MIA2: variants seen among roughly 807,000 people sequenced by gnomAD.
MIA2 encodes melanoma inhibitory activity protein 2.
Under a neutral mutation model 167.8 loss-of-function variants are expected in MIA2, and 127 were observed. The observed-to-expected ratio is 0.76, with a 90% CI of 0.66 to 0.88. The LOEUF (loss-of-function observed/expected upper bound fraction) is 0.88, where lower values mean the gene tolerates loss of function less well. Among genes scored for constraint, MIA2 ranks in the 40% least tolerant of loss-of-function variants. MIA2 has a pLI of 0.00. For synonymous variants in MIA2, 552 were observed against 541.9 expected (o/e 1.02, Z -0.26); for missense variants, 1,690 against 1,624.7 (o/e 1.04, Z -0.69).
In MIA2 at chr14:39,308,526, C is replaced by G; in HGVS notation, c.2956C>G (p.Leu986Val). The part of the protein sequence containing the change: ...NTHFENENQK[L>V]QQKLKVMTEL... ...ACATTTTGAAAATGAGAATCAGAAG[C>G]TTCAACAGAAACTTAAAGTAATGAC... Residue 986 changes from leucine to valine, a missense_variant, in exon 18 of 29, where the codon CTT becomes GTT. Leu to Val is a conservative substitution (Grantham distance 32, BLOSUM62 1). Transcript: ENST00000640607. 6.3e-7 allele frequency: 1 copy of G among 1,578,648 alleles called. No individual in the cohort carries two copies.
In MIA2 at chr14:39,268,282, T is replaced by C. The variant is rs114345192; in HGVS notation, c.1888-8652T>C. The stretch of plus-strand genomic sequence containing the variant: ...TGAGGCAGTTACGATTATGTTTTCT[T>C]GTTAGGTGAATTAAAGGTAGTGTTG... On this transcript the variant is annotated intron_variant, in intron 6 of 28. Transcript: ENST00000640607. Among the ~76,000 whole-genome samples the C allele has an allele frequency of 9.0e-3, 1,376 of 152,248 alleles. 22 individuals are homozygous for C. Among genetic ancestry groups the C allele is most frequent in the African/African-American group, 0.032 (1,311 of 41,528 alleles).
chr14:39,333,857 A>G (rs2069556894), intron 25 of MIA2, among the ~76,000 whole-genome samples: 1 of 152,182 alleles, frequency 6.6e-6, no homozygotes, highest in South Asian at 2.1e-4. Context: ...GAGCTTCTAA[A>G]TTGATACCTT....
chr14:39,245,722 G>A (rs1282034922), intron 3 of MIA2, among the ~76,000 whole-genome samples: 2 of 152,032 alleles, frequency 1.3e-5, no homozygotes, highest in Non-Finnish European at 2.9e-5. Flanking sequence ...AGCAAGACAG[G>A]CGCTGAACTG....
intron 16 of MIA2, 49 bp downstream of exon 16, chr14:39,303,573 G>A (rs772301797): frequency 1.9e-5 from 26 of 1,338,838 alleles, no homozygotes; most frequent in African/African-American, 8.8e-5. Context: ...GAAAGAGAAC[G>A]TGGATTACTC....
chr14:39,341,635 G>C (rs1255467148), intron 25 of MIA2, among the ~76,000 whole-genome samples: 2 of 152,136 alleles, frequency 1.3e-5, no homozygotes, highest in African/African-American at 4.8e-5. Flanking sequence ...GCTGAAGCAG[G>C]TGGTAGAGGA....
At chr14:39,295,055 A>G (rs2061239049) in intron 13 of MIA2, 26 bp downstream of exon 13, 3 of 1,405,756 alleles carry the variant, frequency 2.1e-6, no homozygotes, top group Non-Finnish European at 3.0e-6. Context: ...GGACTCTTCA[A>G]CTTGTGAATA....
intron 9 of MIA2, among the ~76,000 whole-genome samples, chr14:39,285,843 GGGGTCGCGGCC>G (rs1293016502): frequency 8.6e-5 from 13 of 151,972 alleles, no homozygotes; most frequent in African/African-American, 3.1e-4. Flanking sequence ...CCTCCCAGAC[GGGGTCGCGGCC>G]GGGCAGAGGT....
intron 23 of MIA2, among the ~76,000 whole-genome samples, chr14:39,368,378 T>C (rs969760545): frequency 1.1e-4 from 17 of 152,322 alleles, no homozygotes; most frequent in African/African-American, 4.1e-4. Flanking sequence ...GAATAGTCCC[T>C]CATTAGGTAG....
At chr14:39,303,234 A>G (rs2062812693) in intron 15 of MIA2, among the ~76,000 whole-genome samples, 1 of 152,130 alleles carries the variant, frequency 6.6e-6, no homozygotes, top group African/African-American at 2.4e-5. Flanking sequence ...AATCCTTGTT[A>G]TAACTCTGTT....
At chr14:39,337,904 G>A (rs1047930965) in intron 25 of MIA2, among the ~76,000 whole-genome samples, 10 of 152,082 alleles carry the variant, frequency 6.6e-5, no homozygotes, top group Non-Finnish European at 4.4e-5. Flanking sequence ...AAAATTTTTA[G>A]TAGAGACAGG....
At chr14:39,298,494 C>T (rs560182447) in intron 13 of MIA2, among the ~76,000 whole-genome samples, 2 of 121,046 alleles carry the variant, frequency 1.7e-5, no homozygotes, top group South Asian at 3.0e-4. Context: ...CTTAGTTTTG[C>T]GGAGAAATCC....
At chr14:39,307,088 T>A (rs1165620030) in intron 17 of MIA2, among the ~76,000 whole-genome samples, 1 of 152,138 alleles carries the variant, frequency 6.6e-6, no homozygotes, top group Non-Finnish European at 1.5e-5. Flanking sequence ...GCATTTGTTA[T>A]GAGAAGATCT....
chr14:39,374,951 C>T (rs527929386), intron 23 of MIA2, among the ~76,000 whole-genome samples: 1 of 152,214 alleles, frequency 6.6e-6, no homozygotes. Context: ...AAAACTGGCT[C>T]ATGATGATGT....
intron 10 of MIA2, among the ~76,000 whole-genome samples, chr14:39,292,267 T>G (rs2060836602): frequency 6.6e-6 from 1 of 152,224 alleles, no homozygotes; most frequent in Non-Finnish European, 1.5e-5. Flanking sequence ...AGACATTTAC[T>G]CAAGCTTGGT....
intron 23 of MIA2, chr14:39,385,759 G>C (rs1406395715): frequency 2.2e-5 from 19 of 878,700 alleles, no homozygotes; most frequent in Non-Finnish European, 3.5e-5. Flanking sequence ...AATAGTAGAT[G>C]AATTTGTTAC....
rs762094304 is a variant in MIA2 at position 39,240,591 on chromosome 14, G to A, written c.280G>A (p.Asp94Asn). ...KGKEFGYFPR[D>N]AVQIEEVFIS... Reference sequence around the variant, plus strand: ...AAAGGAGTTTGGATATTTTCCCAGAGATGCAGTCCAGATTGAAGAGGTGTT... The same window carrying A: ...AAAGGAGTTTGGATATTTTCCCAGAAATGCAGTCCAGATTGAAGAGGTGTT... Residue 94 changes from aspartate (D) to asparagine (N), a missense_variant, in exon 3 of 29, where the codon GAT becomes AAT. Physicochemically the swap from Asp to Asn is conservative, Grantham distance 23. Transcript: ENST00000640607. 3.1e-6 allele frequency: 5 copies of A among 1,613,082 alleles called. No homozygotes were observed. Among genetic ancestry groups the A allele is most frequent in the Non-Finnish European group, 4.2e-6 (5 of 1,179,428 alleles).
At chr14:39,339,857 T>C (rs564444746) in intron 25 of MIA2, among the ~76,000 whole-genome samples, 3 of 152,180 alleles carry the variant, frequency 2.0e-5, no homozygotes, top group South Asian at 2.1e-4. Flanking sequence ...TTATTTTGTT[T>C]TGTTTTGAGA....
chr14:39,326,108 AT>A (rs2152991164), intron 24 of MIA2, among the ~76,000 whole-genome samples: 1 of 152,296 alleles, frequency 6.6e-6, no homozygotes, highest in African/African-American at 2.4e-5. Context: ...AATATACTAG[AT>A]TTTCTTATCC....
intron 25 of MIA2, among the ~76,000 whole-genome samples, chr14:39,333,355 C>G (rs1223915684): frequency 1.3e-5 from 2 of 152,182 alleles, no homozygotes; most frequent in Admixed American, 1.3e-4. Flanking sequence ...TGGGGAACAG[C>G]TCAAATATTA....
Sources: gnomAD v4.1 joint callset for allele counts (sites outside exome capture counted in the v4.1 genomes callset) on GRCh38, gnomAD v4.1.1 for gene constraint, MANE v1.5 for transcripts, NCBI Gene and HGNC (gene_info 2026-07-23, HGNC 2026-07-21) for gene names.